The following ACSM4 variants were observed in gnomAD, a reference collection of about 807,000 sequenced individuals.
ACSM4 encodes the protein acyl-CoA synthetase medium chain family member 4.
ACSM4 carries 66 observed loss-of-function variants against 73.0 expected under a neutral mutation model. That is an observed-to-expected ratio of 0.90 (90% confidence interval 0.74 to 1.11). ACSM4 has a LOEUF of 1.11. Among genes scored for constraint, ACSM4 ranks in the 50% least tolerant of loss-of-function variants. The probability of loss-of-function intolerance (pLI) is 0.00; values close to 1 mark genes in which losing one functional copy is unlikely to be tolerated. For missense variants in ACSM4, 645 were observed against 714.4 expected, an observed-to-expected ratio of 0.90 and a Z score of 1.11; for synonymous variants, 222 against 254.0, an observed-to-expected ratio of 0.87 and a Z score of 1.20.
Position 7,322,332 on chromosome 12 carries a change from T to A in ACSM4, c.1002-86T>A. 1.9e-6 allele frequency: 3 copies of A among 1,575,020 alleles called. No homozygotes were observed. The Admixed American group carries it at 5.0e-5, about 26-fold the overall frequency. ...TAAGACTTGCCTCTCCTAGCTGCTA[T>A]GCTTACTGCTTGAATGTCCTAATTG... is the stretch of plus-strand genomic sequence containing the variant. On this transcript the variant is annotated intron_variant, in intron 6 of 12. Coordinates refer to ENST00000399422, the MANE Select transcript of ACSM4 (RefSeq NM_001080454.2).
chr12:7,314,504 CAGAT>C (rs1188147617), intron 3 of ACSM4, among the ~76,000 whole-genome samples: 1 of 151,940 alleles, frequency 6.6e-6, no homozygotes, highest in African/African-American at 2.4e-5. Context: ...TTTAGATAGA[CAGAT>C]AGATGGACAG....
Position 7,318,076 on chromosome 12 carries a change from C to A in ACSM4, c.815C>A (p.Thr272Lys), listed in dbSNP as rs772224561. The change falls in exon 5 of 13, where the codon ACG (threonine) becomes AAG (lysine). Residue 272 changes from threonine to lysine, a missense_variant. Transcript: ENST00000399422. ...SSDIIWNMSD[T>K]GWVKAAIGSV... Reference sequence around the variant, plus strand: ...GATATCATATGGAATATGTCTGACACGGGCTGGGTCAAGGCCGCCATTGGC... The same window carrying A: ...GATATCATATGGAATATGTCTGACAAGGGCTGGGTCAAGGCCGCCATTGGC... The A allele has an allele frequency of 6.2e-7, 1 of 1,613,764 alleles. No individual in the cohort carries two copies. The highest frequency in any genetic ancestry group is 2.2e-5 in the East Asian group (1 of 44,864).
chr12:7,319,683 C>A lies in ACSM4; in HGVS notation c.922-1042C>A, dbSNP rs761273974. On this transcript the variant is annotated intron_variant, in intron 5 of 12. Transcript: ENST00000399422. ...CTGTGTGGCCCAGTTCCTAATAGGC[C>A]ACAAACAGAAACCAGTCTGTCCTTT... Among the ~76,000 whole-genome samples the A allele has an allele frequency of 6.6e-5, 10 of 152,080 alleles. No homozygotes were observed. In the East Asian group the frequency reaches 1.9e-3, roughly 29 times the overall value.
chr12:7,327,168 G>A, intron 12 of ACSM4, 73 bp downstream of exon 12: 1 of 1,452,392 alleles, frequency 6.9e-7, no homozygotes, highest in Non-Finnish European at 9.2e-7. Context: ...GATTTTACTG[G>A]ATTTTGATTT....
intron 3 of ACSM4, among the ~76,000 whole-genome samples, chr12:7,316,517 G>A (rs7310766): frequency 0.2 from 30,654 of 152,048 alleles, 3,479 homozygotes; most frequent in South Asian, 0.3. Context: ...GACTGTGACT[G>A]GCTTAGATTA....
At chr12:7,306,425 G>A (rs1244922479) in intron 1 of ACSM4, 108 bp from the exon 2 acceptor site, 1 of 1,050,848 alleles carries the variant, frequency 9.5e-7, no homozygotes, top group Non-Finnish European at 1.4e-6. Flanking sequence ...GGCGCTGTTA[G>A]CAGAATGCAC....
At chr12:7,310,115 A>G (rs1565752128) in intron 2 of ACSM4, among the ~76,000 whole-genome samples, 1 of 152,210 alleles carries the variant, frequency 6.6e-6, no homozygotes, top group Non-Finnish European at 1.5e-5. Flanking sequence ...GAATTGAATG[A>G]GACAGTGCTC....
intron 3 of ACSM4, among the ~76,000 whole-genome samples, chr12:7,316,768 T>C (rs1304323822): frequency 6.6e-6 from 1 of 152,220 alleles, no homozygotes; most frequent in Non-Finnish European, 1.5e-5. Context: ...AATAGCAATG[T>C]ATGAAGATTC....
chr12:7,307,959 G>A (rs1028890043), intron 2 of ACSM4, among the ~76,000 whole-genome samples: 2 of 152,150 alleles, frequency 1.3e-5, no homozygotes, highest in Admixed American at 6.6e-5. Context: ...TCACGAAGAT[G>A]TTTGTTGCAA....
chr12:7,318,970 C>T (rs1402014501), intron 5 of ACSM4, among the ~76,000 whole-genome samples: 5 of 152,028 alleles, frequency 3.3e-5, no homozygotes, highest in Non-Finnish European at 7.4e-5. Flanking sequence ...CTAGGGGGAG[C>T]GGGGAGATAA....
intron 3 of ACSM4, among the ~76,000 whole-genome samples, chr12:7,311,870 A>G (rs1487149806): frequency 6.6e-6 from 1 of 152,100 alleles, no homozygotes; most frequent in Non-Finnish European, 1.5e-5. Flanking sequence ...TTGTATTTTT[A>G]GTAGAAAGGG....
At position 7,318,093 on chromosome 12, in the gene ACSM4, G is replaced by A. The variant is rs79217312; in HGVS notation, c.832G>A (p.Ala278Thr). The A allele has an allele frequency of 6.2e-6, 10 of 1,613,862 alleles. No individual in the cohort carries two copies. The highest frequency in any genetic ancestry group is 4.0e-5 in the African/African-American group (3 of 75,040). Residue 278 changes from alanine (A) to threonine (T), a missense_variant, in exon 5 of 13, where the codon GCC (alanine) becomes ACC (threonine). By Grantham distance (58) the Ala-to-Thr change is moderately conservative. Transcript: ENST00000399422. ...NMSDTGWVKAAIGSVFSSWLC... is the reference protein window; with the variant it reads ...NMSDTGWVKATIGSVFSSWLC... ...GTCTGACACGGGCTGGGTCAAGGCC[G>A]CCATTGGCAGTGTGTTTTCTTCCTG...
chr12:7,314,658 G>A (rs1382893111), intron 3 of ACSM4, among the ~76,000 whole-genome samples: 1 of 152,130 alleles, frequency 6.6e-6, no homozygotes, highest in Non-Finnish European at 1.5e-5. Flanking sequence ...TAGAGAGATA[G>A]ATGCCTTCTA....
intron 3 of ACSM4, among the ~76,000 whole-genome samples, chr12:7,314,292 A>G (rs1946406002): frequency 6.6e-6 from 1 of 152,204 alleles, no homozygotes; most frequent in South Asian, 2.1e-4. Context: ...GTCTGTGAAC[A>G]TTCAAATGTC....
chr12:7,316,753 A>T (rs1321521010), intron 3 of ACSM4, among the ~76,000 whole-genome samples: 1 of 152,262 alleles, frequency 6.6e-6, no homozygotes, highest in Non-Finnish European at 1.5e-5. Context: ...AACTCCTGAA[A>T]CATTAATAGC....
intron 5 of ACSM4, 96 bp downstream of exon 5, chr12:7,318,278 G>C: frequency 1.4e-6 from 2 of 1,476,336 alleles, no homozygotes; most frequent in Non-Finnish European, 1.8e-6. Context: ...AAGGCTTCTT[G>C]GGCTTTTGGA....
intron 5 of ACSM4, among the ~76,000 whole-genome samples, chr12:7,320,011 A>G (rs1487984568): frequency 6.6e-6 from 1 of 152,234 alleles, no homozygotes; most frequent in Non-Finnish European, 1.5e-5. Context: ...CCGATCAAAC[A>G]TCATACTTTA....
At chr12:7,323,884 A>G (rs145379180) in intron 9 of ACSM4, among the ~76,000 whole-genome samples, 1 of 152,298 alleles carries the variant, frequency 6.6e-6, no homozygotes, top group African/African-American at 2.4e-5. Flanking sequence ...TTTTAAAAAA[A>G]TTTAATTTCC....
intron 11 of ACSM4, among the ~76,000 whole-genome samples, chr12:7,326,436 C>T (rs906302056): frequency 2.6e-5 from 4 of 152,106 alleles, no homozygotes; most frequent in Non-Finnish European, 5.9e-5. Flanking sequence ...TTTCAAACTC[C>T]GGGGCTGAAG....
Sources: gnomAD v4.1 joint callset for allele counts (sites outside exome capture counted in the v4.1 genomes callset) on GRCh38, gnomAD v4.1.1 for gene constraint, MANE v1.5 for transcripts, NCBI Gene and HGNC (gene_info 2026-07-23, HGNC 2026-07-21) for gene names.